AKAP6: variants seen among roughly 807,000 people sequenced by gnomAD.
AKAP6 encodes A-kinase anchoring protein 6.
Under a neutral mutation model 188.5 loss-of-function variants are expected in AKAP6, and 58 were observed. The observed-to-expected ratio is 0.31, with a 90% confidence interval of 0.25 to 0.38. The LOEUF (loss-of-function observed/expected upper bound fraction) is 0.38, where lower values mean the gene tolerates loss of function less well. Among genes scored for constraint, AKAP6 ranks in the 10% least tolerant of loss-of-function variants. The pLI, the probability that AKAP6 is intolerant of heterozygous loss-of-function variation, is 1.00. For missense variants in AKAP6, 2,710 were observed against 2,740.0 expected (o/e 0.99, Z 0.24); for synonymous variants, 989 against 998.6 (o/e 0.99, Z 0.18).
At chr14:32,488,228 G>A (rs759956747) in intron 2 of AKAP6, among the ~76,000 whole-genome samples, 31 of 152,176 alleles carry the variant, frequency 2.0e-4, no homozygotes, top group African/African-American at 4.1e-4. Context: ...TGCCCTGCCC[G>A]GAGAGGAGGA....
intron 2 of AKAP6, among the ~76,000 whole-genome samples, chr14:32,513,320 A>G (rs1480718994): frequency 2.0e-5 from 3 of 152,190 alleles, no homozygotes; most frequent in African/African-American, 4.8e-5. Context: ...TTCCTTACCT[A>G]TGTCTTTATT....
chr14:32,500,752 T>C (rs1880570685), intron 2 of AKAP6, among the ~76,000 whole-genome samples: 2 of 152,158 alleles, frequency 1.3e-5, no homozygotes, highest in Admixed American at 1.3e-4. Context: ...CCTTTTCTCT[T>C]TTTCTTTGCT....
chr14:32,747,313 C>A (rs1185304339), intron 11 of AKAP6, among the ~76,000 whole-genome samples: 2 of 152,184 alleles, frequency 1.3e-5, no homozygotes, highest in Non-Finnish European at 2.9e-5. Flanking sequence ...ATCATCCCTG[C>A]TGCTCTAACT....
intron 2 of AKAP6, among the ~76,000 whole-genome samples, chr14:32,519,532 C>G (rs1314483800): frequency 6.6e-6 from 1 of 151,964 alleles, no homozygotes; most frequent in African/African-American, 2.4e-5. Context: ...AAAAAAAAAG[C>G]AGGGGTTGCA....
chr14:32,806,185 C>T (rs182833437), intron 12 of AKAP6, among the ~76,000 whole-genome samples: 20 of 152,220 alleles, frequency 1.3e-4, no homozygotes, highest in South Asian at 4.1e-4. Context: ...AGAAATAGAA[C>T]GGGACATGAG....
rs115296543 is a variant in AKAP6, at chr14:32,568,693, A to C, written c.2347-8427A>C. Among the ~76,000 whole-genome samples, 1,040 of 152,194 alleles carry C rather than the reference A, an allele frequency of 6.8e-3. 14 individuals are homozygous for C. Among genetic ancestry groups the C allele is most frequent in the African/African-American group, 0.023 (940 of 41,522 alleles). On this transcript the variant is annotated intron_variant, in intron 4 of 13. Coordinates refer to ENST00000280979, the MANE Select transcript of AKAP6 (RefSeq NM_004274.5). This position sits in a 1 kb window ranked among gnomAD's most constrained non-coding sequence, Gnocchi z 6.2. Reference sequence around the variant, plus strand: ...TGAGGGGTCCCCAGCTTCATACCTGACAATGTTGGGAGCTTGTAAAGTGTT... The same window carrying C: ...TGAGGGGTCCCCAGCTTCATACCTGCCAATGTTGGGAGCTTGTAAAGTGTT...
At chr14:32,409,626 C>T (rs2138643024) in intron 1 of AKAP6, among the ~76,000 whole-genome samples, 1 of 152,198 alleles carries the variant, frequency 6.6e-6, no homozygotes, top group Non-Finnish European at 1.5e-5. Context: ...TTGTGTGGTT[C>T]TCATTAAAAA....
chr14:32,817,123 TC>T (rs1172858079), intron 12 of AKAP6, among the ~76,000 whole-genome samples: 4 of 152,194 alleles, frequency 2.6e-5, no homozygotes, highest in Non-Finnish European at 4.4e-5. Context: ...TTATCTTTAC[TC>T]TTTAGGTAAT....
At chr14:32,430,822 T>C (rs141229134) in intron 1 of AKAP6, among the ~76,000 whole-genome samples, 100 of 152,194 alleles carry the variant, frequency 6.6e-4, no homozygotes, top group African/African-American at 2.3e-3. Flanking sequence ...ATTAAAAATT[T>C]GGGGCTGGGT....
chr14:32,585,492 A>ACATG (rs4007573), intron 5 of AKAP6, among the ~76,000 whole-genome samples: 1 of 150,736 alleles, frequency 6.6e-6, no homozygotes, highest in Admixed American at 6.6e-5. Context: ...AACTATATAT[A>ACATG]TGTGTGTGTG....
At chr14:32,588,554 G>T (rs569807061) in intron 5 of AKAP6, among the ~76,000 whole-genome samples, 16 of 152,204 alleles carry the variant, frequency 1.1e-4, no homozygotes, top group Middle Eastern at 3.4e-3. Context: ...GAGTTTTGAG[G>T]CCATGTTTAT....
At position 32,546,738 on chromosome 14, in the gene AKAP6, G is replaced by A; in HGVS notation, c.2085G>A (p.Arg695=). 6.2e-7 allele frequency: 1 copy of A among 1,614,050 alleles called. No homozygotes were observed. The highest frequency in any genetic ancestry group is 8.5e-7 in the Non-Finnish European group (1 of 1,179,996). ...HVKKKHTRLG[R]VSPSSSSDIA... is the part of the protein sequence containing the mutation. Reference sequence around the variant, plus strand: ...AAAAGAAGCATACAAGGCTAGGCAGGGTGTCTCCAAGCTCATCTAGTGACA... The same window carrying A: ...AAAAGAAGCATACAAGGCTAGGCAGAGTGTCTCCAAGCTCATCTAGTGACA... Residue 695 remains arginine (R), a synonymous_variant, in exon 4 of 14, where the codon AGG becomes AGA. Coordinates refer to ENST00000280979, the MANE Select transcript of AKAP6 (RefSeq NM_004274.5).
chr14:32,698,186 G>A (rs1277065595), intron 9 of AKAP6, among the ~76,000 whole-genome samples: 1 of 152,096 alleles, frequency 6.6e-6, no homozygotes, highest in Non-Finnish European at 1.5e-5. Flanking sequence ...AACTTCAGGT[G>A]GCTCCTAAAT....
At chr14:32,782,679 G>C (rs1165365635) in intron 12 of AKAP6, among the ~76,000 whole-genome samples, 3 of 152,074 alleles carry the variant, frequency 2.0e-5, no homozygotes, top group African/African-American at 7.2e-5. Flanking sequence ...AATGCTTAGG[G>C]ATGTATCTAA....
intron 5 of AKAP6, among the ~76,000 whole-genome samples, chr14:32,593,612 AAAAT>A (rs1332676988): frequency 6.6e-6 from 1 of 152,208 alleles, no homozygotes; most frequent in Non-Finnish European, 1.5e-5. Context: ...GCTCTGATTT[AAAAT>A]AAATCAAAAT....
intron 7 of AKAP6, among the ~76,000 whole-genome samples, chr14:32,629,938 C>T (rs1225039830): frequency 6.6e-6 from 1 of 152,060 alleles, no homozygotes; most frequent in Non-Finnish European, 1.5e-5. Flanking sequence ...AATGATAATA[C>T]TCTGCCATAA....
At chr14:32,348,124 G>A (rs1307236433) in intron 1 of AKAP6, among the ~76,000 whole-genome samples, 1 of 152,152 alleles carries the variant, frequency 6.6e-6, no homozygotes, top group Non-Finnish European at 1.5e-5. Context: ...AGCTGGGTGG[G>A]ACCATGCCAG....
At chr14:32,473,419 C>A (rs76040021) in intron 2 of AKAP6, among the ~76,000 whole-genome samples, 1,732 of 152,048 alleles carry the variant, frequency 0.011, 16 homozygotes, top group East Asian at 0.026. Flanking sequence ...TTCTTTTTTC[C>A]CTAGGGCCAG....
At chr14:32,440,241 A>G (rs1890525365) in intron 2 of AKAP6, among the ~76,000 whole-genome samples, 1 of 150,610 alleles carries the variant, frequency 6.6e-6, no homozygotes. Context: ...TTCTTAATCC[A>G]GTCTATTATT....
Sources: allele counts gnomAD v4.1 joint callset (sites outside exome capture counted in the v4.1 genomes callset), GRCh38; gene constraint gnomAD v4.1.1; non-coding constraint Gnocchi (gnomAD v3.1); transcripts MANE v1.5; gene names NCBI Gene and HGNC (gene_info 2026-07-23, HGNC 2026-07-21).